Variants in UACA observed in about 807,000 individuals in gnomAD.
UACA encodes nuclear membrane binding protein.
In UACA, 112 loss-of-function variants were observed where a neutral mutation model predicts 160.5. The observed-to-expected ratio is 0.70, with a 90% CI of 0.60 to 0.82. The LOEUF (loss-of-function observed/expected upper bound fraction) is 0.82. UACA is among the 40% of genes least tolerant of loss of function. The pLI, the probability that UACA is intolerant of heterozygous loss-of-function variation, is 0.00. For synonymous variants in UACA, 557 were observed against 568.4 expected (o/e 0.98, Z 0.29); for missense variants, 1,574 against 1,614.6 (o/e 0.97, Z 0.43).
At chr15:70,761,782 CA>C (rs2030776426) in intron 1 of UACA, among the ~76,000 whole-genome samples, 2 of 152,060 alleles carry the variant, frequency 1.3e-5, no homozygotes, top group African/African-American at 4.8e-5. Context: ...CTTTATGTTC[CA>C]AATGTATAAA....
upstream of UACA, among the ~76,000 whole-genome samples, chr15:70,766,156 T>TA (rs1360239913): frequency 6.6e-6 from 1 of 152,238 alleles, no homozygotes; most frequent in East Asian, 1.9e-4. Flanking sequence ...TTTTCCAGCC[T>TA]AGAAACTTGA....
intron 2 of UACA, among the ~76,000 whole-genome samples, 177 bp downstream of exon 2, chr15:70,699,350 A>T (rs1046407989): frequency 5.9e-5 from 9 of 152,086 alleles, no homozygotes; most frequent in African/African-American, 2.2e-4. Context: ...TTCCCTCTCT[A>T]GACTGGAAAT....
rs371723798 is a variant in UACA, at chr15:70,664,884, A to C, written c.3961-70T>G. On this transcript the variant is annotated intron_variant, in intron 16 of 18. Transcript: ENST00000322954. ...GTACAATGAACATCTTTGTACAGAA[A>C]TCATTCCTTTTTGGAGACAGAAGCT... The C allele has an allele frequency of 3.0e-5, 42 of 1,394,124 alleles. No individual in the cohort carries two copies. In the East Asian group the frequency reaches 6.3e-4, roughly 21 times the overall value. 86.4% of individuals were successfully genotyped at this position (1,394,124 alleles called of 1,614,324 possible). A position where few individuals can be genotyped will look rare whatever the true frequency, so the allele number is the denominator to read the frequency against.
chr15:70,668,183 C>T lies in UACA; in HGVS notation c.2501G>A (p.Cys834Tyr). 1 of 1,611,144 alleles carries T rather than the reference C, an allele frequency of 6.2e-7. No individual in the cohort carries two copies. The highest frequency in any genetic ancestry group is 8.5e-7 in the Non-Finnish European group (1 of 1,179,406). ...GTGTATTTTCTCCTGGTCTTCACCA[C>T]ATTTTTTCTTAAGTTCAGACAGCTG... ...KKQLSELKKK[C>Y]GEDQEKIHAL... The change falls in exon 16 of 19, where the codon TGT (cysteine) becomes TAT (tyrosine). Residue 834 changes from cysteine (C) to tyrosine (Y), a missense_variant. By Grantham distance (194) the Cys-to-Tyr change is radical. Transcript: ENST00000322954.
At chr15:70,760,057 C>T (rs1385307456) in intron 1 of UACA, among the ~76,000 whole-genome samples, 1 of 152,048 alleles carries the variant, frequency 6.6e-6, no homozygotes, top group Admixed American at 6.6e-5. Context: ...ATGAAATAAA[C>T]ATTTTAAAAT....
intron 1 of UACA, among the ~76,000 whole-genome samples, chr15:70,744,264 A>AAAG (rs1899631403): frequency 6.6e-6 from 1 of 150,630 alleles, no homozygotes; most frequent in African/African-American, 2.5e-5. Flanking sequence ...AAAAAAAAAA[A>AAAG]AAAAGAAAGA....
At chr15:70,696,612 T>C (rs1468606947) in intron 2 of UACA, among the ~76,000 whole-genome samples, 1 of 152,190 alleles carries the variant, frequency 6.6e-6, no homozygotes, top group African/African-American at 2.4e-5. Context: ...GTAAAAGGAA[T>C]ATAGTATTCT....
intron 2 of UACA, among the ~76,000 whole-genome samples, chr15:70,698,060 A>T (rs1346516929): frequency 6.6e-6 from 1 of 152,170 alleles, no homozygotes; most frequent in Non-Finnish European, 1.5e-5. Context: ...TCAAAAAAAT[A>T]AAAAAATAAA....
chr15:70,678,046 T>C, intron 11 of UACA, 53 bp downstream of exon 11: 1 of 1,310,720 alleles, frequency 7.6e-7, no homozygotes, highest in Non-Finnish European at 1.1e-6. Flanking sequence ...CATTAACAAT[T>C]TGCTATTGAT....
rs1274496633 is a variant in UACA at position 70,667,723 on chromosome 15, T to C, written c.2961A>G (p.Pro987=). 3 of 1,614,064 alleles carry C rather than the reference T, an allele frequency of 1.9e-6. No individual in the cohort carries two copies. The highest frequency in any genetic ancestry group is 2.5e-6 in the Non-Finnish European group (3 of 1,179,976). ...TCTCGCACTCCTCAAAGCTGACAAT[T>C]GGGGCGTATTTTACCTTAATGCATT... ...IQECIKVKYA[P]IVSFEECERK... The change falls in exon 16 of 19, where the codon CCA becomes CCG. Residue 987 remains proline, a synonymous_variant. Coordinates refer to ENST00000322954, the MANE Select transcript of UACA (RefSeq NM_018003.4).
Position 70,718,028 on chromosome 15 carries a change from T to TACACACACACAC in UACA, c.79-18380_79-18369dup, listed in dbSNP as rs140483075. Reference sequence around the variant, plus strand: ...CAATTCCTTAAAATAAATTTCTTTATACACACACACACACACACACACACA... The same window carrying TACACACACACAC: ...CAATTCCTTAAAATAAATTTCTTTATACACACACACACACACACACACACACACACACACACA... On this transcript the variant is annotated intron_variant, in intron 1 of 18. Coordinates refer to ENST00000322954, the MANE Select transcript of UACA (RefSeq NM_018003.4). Among the ~76,000 whole-genome samples the TACACACACACAC allele has an allele frequency of 8.9e-3, 1,273 of 142,632 alleles. 23 individuals are homozygous for TACACACACACAC. The highest frequency in any genetic ancestry group is 0.032 in the African/African-American group (1,227 of 37,810). The allele number at this position is 142,632 out of a possible 152,430, so 93.6% of individuals were successfully genotyped here.
chr15:70,718,323 AATGTGTGTGT>A (rs1352883794), intron 1 of UACA, among the ~76,000 whole-genome samples: 1 of 15,608 alleles, frequency 6.4e-5, no homozygotes, highest in Non-Finnish European at 1.7e-4. Context: ...AGAGAGAGAG[AATGTGTGTGT>A]GTGTGTGTGT....
chr15:70,737,999 T>C (rs1899420269), intron 1 of UACA, among the ~76,000 whole-genome samples: 1 of 152,210 alleles, frequency 6.6e-6, no homozygotes, highest in African/African-American at 2.4e-5. Flanking sequence ...ATTCCCTTCC[T>C]ACATCTTTCC....
chr15:70,736,306 T>C (rs1327706886), intron 1 of UACA, among the ~76,000 whole-genome samples: 4 of 152,242 alleles, frequency 2.6e-5, no homozygotes, highest in African/African-American at 4.8e-5. Flanking sequence ...CTTCTTAGCA[T>C]GCTTCAAGTA....
intron 13 of UACA, 84 bp from the exon 14 acceptor site, chr15:70,672,085 C>G: frequency 1.6e-6 from 2 of 1,257,934 alleles, no homozygotes; most frequent in Non-Finnish European, 2.2e-6. Flanking sequence ...CTAAATCATG[C>G]AGTCATTAAA....
intron 1 of UACA, among the ~76,000 whole-genome samples, chr15:70,717,542 G>C (rs1339324384): frequency 6.6e-6 from 1 of 152,152 alleles, no homozygotes; most frequent in Non-Finnish European, 1.5e-5. Flanking sequence ...TGGGCAGTAG[G>C]CCACAGTTTG....
the UACA span, among the ~76,000 whole-genome samples, chr15:70,774,545 C>CAAAAAAAA: frequency 1.1e-4 from 9 of 82,466 alleles, 1 homozygote; most frequent in African/African-American, 4.0e-4. Flanking sequence ...GACTCTGTCT[C>CAAAAAAAA]AAAAAAAAAA....
intron 1 of UACA, among the ~76,000 whole-genome samples, chr15:70,737,693 G>C (rs1899410473): frequency 6.6e-6 from 1 of 152,110 alleles, no homozygotes; most frequent in African/African-American, 2.4e-5. Context: ...GGGTGGAAGA[G>C]TGAAACTCCA....
intron 1 of UACA, among the ~76,000 whole-genome samples, chr15:70,754,332 A>G (rs1447920594): frequency 6.6e-6 from 1 of 152,210 alleles, no homozygotes; most frequent in Non-Finnish European, 1.5e-5. Flanking sequence ...GTACCCGTAC[A>G]ACTATTCTGT....
Sources: allele counts gnomAD v4.1 joint callset (sites outside exome capture counted in the v4.1 genomes callset), GRCh38; gene constraint gnomAD v4.1.1; transcripts MANE v1.5; gene names NCBI Gene and HGNC (gene_info 2026-07-23, HGNC 2026-07-21).